The following RBFOX1 variants were observed in gnomAD, a reference collection of about 807,000 sequenced individuals.
RBFOX1 encodes RNA binding protein fox-1 homolog 1.
Under a neutral mutation model 57.7 loss-of-function variants are expected in RBFOX1, and 8 were observed. That is an observed-to-expected ratio of 0.14 (90% confidence interval 0.08 to 0.25). RBFOX1 has a LOEUF of 0.25. Among genes scored for constraint, RBFOX1 ranks in the 10% least tolerant of loss-of-function variants. The pLI is 1.00. For missense variants in RBFOX1, 611 were observed against 548.5 expected, an observed-to-expected ratio of 1.11 and a Z score of -1.14; for synonymous variants, 326 against 222.4, an observed-to-expected ratio of 1.47 and a Z score of -4.15.
intron 4 of RBFOX1, among the ~76,000 whole-genome samples, chr16:7,449,604 C>T (rs759774190): frequency 6.6e-6 from 1 of 151,884 alleles, no homozygotes; most frequent in Non-Finnish European, 1.5e-5. Flanking sequence ...GAAATCTCTA[C>T]TCAATTCAAG....
At chr16:6,008,214 C>A (rs983069681) in intron 4 of RBFOX1, among the ~76,000 whole-genome samples, 13 of 117,000 alleles carry the variant, frequency 1.1e-4, no homozygotes, top group African/African-American at 4.3e-4. Flanking sequence ...CCCCCACCCA[C>A]CCCCCAAAAA....
intron 3 of RBFOX1, among the ~76,000 whole-genome samples, chr16:5,723,663 TAGTC>T (rs2052022716): frequency 1.3e-5 from 2 of 152,052 alleles, no homozygotes; most frequent in Non-Finnish European, 2.9e-5. Flanking sequence ...TAAGGTCGAA[TAGTC>T]AGCCCACAGG....
At chr16:6,583,917 G>T (rs756980425) in intron 2 of RBFOX1, among the ~76,000 whole-genome samples, 2 of 151,324 alleles carry the variant, frequency 1.3e-5, no homozygotes, top group Non-Finnish European at 2.9e-5. Flanking sequence ...TGTTTGTAAA[G>T]AAAGACGATT....
chr16:7,130,181 G>C (rs540488554), intron 4 of RBFOX1, among the ~76,000 whole-genome samples: 42 of 151,742 alleles, frequency 2.8e-4, no homozygotes, highest in African/African-American at 8.2e-4. Context: ...TAACAGGCAC[G>C]TGCCACCATG....
At chr16:7,371,489 C>A (rs2097565040) in intron 4 of RBFOX1, among the ~76,000 whole-genome samples, 1 of 152,176 alleles carries the variant, frequency 6.6e-6, no homozygotes, top group Admixed American at 6.5e-5. Flanking sequence ...GTGGCTCACG[C>A]CTGTAATCCC....
At chr16:5,416,729 C>T (rs1214877434) in intron 1 of RBFOX1, among the ~76,000 whole-genome samples, 2 of 151,224 alleles carry the variant, frequency 1.3e-5, no homozygotes, top group Admixed American at 6.6e-5. Context: ...TGTATCTCCT[C>T]TTTTGGGGCC....
chr16:7,117,711 G>T (rs914845517), intron 4 of RBFOX1, among the ~76,000 whole-genome samples: 2 of 152,212 alleles, frequency 1.3e-5, no homozygotes, highest in East Asian at 1.9e-4. Flanking sequence ...AACAGTTTCT[G>T]TGTATCAGAA....
intron 3 of RBFOX1, among the ~76,000 whole-genome samples, chr16:5,746,420 G>C (rs534179620): frequency 6.6e-6 from 1 of 152,116 alleles, no homozygotes; most frequent in Non-Finnish European, 1.5e-5. Context: ...TTGGCAATGC[G>C]GGCTCTTTTT....
At chr16:7,107,441 C>G (rs148972519) in intron 4 of RBFOX1, among the ~76,000 whole-genome samples, 25 of 152,256 alleles carry the variant, frequency 1.6e-4, no homozygotes, top group African/African-American at 6.0e-4. Flanking sequence ...CAACACTCCT[C>G]TCCTTACTCA....
rs550458578 is a variant in RBFOX1, at chr16:7,073,321, A to G, written c.27+21223A>G. On this transcript the variant is annotated intron_variant, in intron 4 of 15. Transcript: ENST00000550418. ...GAAAATGTCAGCCAATCCCTTCCCT[A>G]TATGAAGGGGCATGGCCCATGACTG... Among the ~76,000 whole-genome samples, 33 of 152,312 alleles carry G rather than the reference A, an allele frequency of 2.2e-4. No homozygotes were observed. The South Asian group carries it at 5.4e-3, about 25-fold the overall frequency.
intron 3 of RBFOX1, among the ~76,000 whole-genome samples, chr16:7,038,074 C>G (rs1294301735): frequency 1.3e-5 from 2 of 151,416 alleles, no homozygotes; most frequent in African/African-American, 2.4e-5. Flanking sequence ...ATGTAAATCC[C>G]CCACTTGCCC....
chr16:7,155,736 TATACACAC>T (rs1264741158), intron 4 of RBFOX1, among the ~76,000 whole-genome samples: 16 of 83,398 alleles, frequency 1.9e-4, no homozygotes, highest in Non-Finnish European at 3.1e-4. Flanking sequence ...TATATATATA[TATACACAC>T]ACACACACAC....
At chr16:6,741,305 C>T (rs191030301) in intron 3 of RBFOX1, among the ~76,000 whole-genome samples, 176 of 152,070 alleles carry the variant, frequency 1.2e-3, no homozygotes, top group Non-Finnish European at 2.0e-3. Context: ...AAATATCTTT[C>T]GAACTTAGAG....
chr16:6,030,580 G>A (rs1355099375), intron 1 of RBFOX1, among the ~76,000 whole-genome samples: 1 of 152,068 alleles, frequency 6.6e-6, no homozygotes, highest in Non-Finnish European at 1.5e-5. Flanking sequence ...TTCAAATATT[G>A]AATAAGAAAG....
chr16:6,045,583 T>C (rs1337267374), intron 1 of RBFOX1, among the ~76,000 whole-genome samples: 1 of 152,202 alleles, frequency 6.6e-6, no homozygotes, highest in Non-Finnish European at 1.5e-5. Flanking sequence ...CCAGGCATCT[T>C]TTCGGTGCTG....
chr16:5,735,649 C>T (rs541933902), intron 3 of RBFOX1, among the ~76,000 whole-genome samples: 3 of 152,272 alleles, frequency 2.0e-5, no homozygotes, highest in South Asian at 4.2e-4. Context: ...ATAATCTCAG[C>T]GCTTTGGGAG....
At chr16:6,668,430 G>T (rs2098745716) in intron 3 of RBFOX1, among the ~76,000 whole-genome samples, 1 of 152,344 alleles carries the variant, frequency 6.6e-6, no homozygotes, top group African/African-American at 2.4e-5. Flanking sequence ...TCAGCCCAAA[G>T]ATGCTTCTGT....
intron 1 of RBFOX1, among the ~76,000 whole-genome samples, chr16:5,303,629 C>T (rs1204310626): frequency 6.6e-6 from 1 of 152,130 alleles, no homozygotes; most frequent in Non-Finnish European, 1.5e-5. Context: ...GTCCCTTCCT[C>T]TCTCCCCCAC....
Position 7,176,850 on chromosome 16 carries a change from A to T in RBFOX1, c.27+124752A>T, listed in dbSNP as rs530365083. Among the ~76,000 whole-genome samples, 24 of 152,354 alleles carry T rather than the reference A, an allele frequency of 1.6e-4. No homozygotes were observed. The South Asian group carries it at 4.8e-3, about 30-fold the overall frequency. ...ATAAATGTAAAGAAAAAAATACAGA[A>T]ATGTAAGACAGAGAGAAAGCAGGAA... is the stretch of plus-strand genomic sequence containing the variant. On this transcript the variant is annotated intron_variant, in intron 4 of 15. Coordinates refer to ENST00000550418, the MANE Select transcript of RBFOX1 (RefSeq NM_018723.4).
Sources: gnomAD v4.1 joint callset for allele counts (sites outside exome capture counted in the v4.1 genomes callset) on GRCh38, gnomAD v4.1.1 for gene constraint, MANE v1.5 for transcripts, NCBI Gene and HGNC (gene_info 2026-07-23, HGNC 2026-07-21) for gene names.